TBXAS1: variants seen among roughly 807,000 people sequenced by gnomAD.
TBXAS1 encodes the protein thromboxane-A synthase.
TBXAS1 carries 48 observed loss-of-function variants against 60.7 expected under a neutral mutation model. The ratio of observed to expected loss-of-function variants is 0.79; its 90% CI spans 0.63 to 1.01. The LOEUF is 1.01. Ranked by LOEUF, TBXAS1 falls within the 50% of genes least tolerant of loss-of-function variation. The pLI, the probability that TBXAS1 is intolerant of heterozygous loss-of-function variation, is 0.00. For synonymous variants in TBXAS1, 287 were observed against 269.7 expected, an observed-to-expected ratio of 1.06 and a Z score of -0.63; for missense variants, 685 against 686.3, an observed-to-expected ratio of 1.00 and a Z score of 0.02.
At position 139,955,461 on chromosome 7, in the gene TBXAS1, G is replaced by T; in HGVS notation, c.542G>T (p.Cys181Phe). ...ESGDAFDIQR[C>F]YCNYTTDVVA... ...CTCTGTGCTCCCATCTCCCGTAGGT[G>T]CTACTGCAATTACACCACAGATGTG... is the stretch of plus-strand genomic sequence containing the variant. Residue 181 changes from cysteine to phenylalanine, a missense_variant and splice_region_variant, in exon 7 of 13, where the codon TGC (cysteine) becomes TTC (phenylalanine). By Grantham distance (205) the Cys-to-Phe change is radical. Coordinates refer to ENST00000448866, the MANE Select transcript of TBXAS1 (RefSeq NM_001061.7). 6.2e-7 allele frequency: 1 copy of T among 1,614,180 alleles called. No homozygotes were observed. Among genetic ancestry groups the T allele is most frequent in the Non-Finnish European group, 8.5e-7 (1 of 1,180,024 alleles).
At chr7:139,822,684 T>C (rs1408945524) in intron 4 of TBXAS1, among the ~76,000 whole-genome samples, 1 of 152,114 alleles carries the variant, frequency 6.6e-6, no homozygotes, top group Non-Finnish European at 1.5e-5. Flanking sequence ...TCAGGGGTGA[T>C]CCTTGACGTC....
intron 3 of TBXAS1, among the ~76,000 whole-genome samples, chr7:139,882,832 ATG>A (rs763675481): frequency 1.4e-4 from 22 of 152,206 alleles, no homozygotes; most frequent in Non-Finnish European, 2.9e-4. Flanking sequence ...AGCAAAATTC[ATG>A]TGAGACCATC....
chr7:139,988,000 C>T (rs1002356940), intron 9 of TBXAS1, among the ~76,000 whole-genome samples: 3 of 152,140 alleles, frequency 2.0e-5, no homozygotes, highest in Non-Finnish European at 2.9e-5. Context: ...CTTTTCTTAG[C>T]TCATTAGAAA....
chr7:139,982,498 A>G (rs1812042122), intron 9 of TBXAS1, among the ~76,000 whole-genome samples: 1 of 152,232 alleles, frequency 6.6e-6, no homozygotes, highest in Non-Finnish European at 1.5e-5. Context: ...TGACAGTACC[A>G]GGGGTATTAT....
At chr7:139,941,334 G>A (rs1172688818) in intron 5 of TBXAS1, among the ~76,000 whole-genome samples, 1 of 152,028 alleles carries the variant, frequency 6.6e-6, no homozygotes, top group South Asian at 2.1e-4. Flanking sequence ...CGTTGTCTTC[G>A]TTTATGCGGA....
intron 3 of TBXAS1, among the ~76,000 whole-genome samples, chr7:139,884,436 C>A (rs1428460523): frequency 4.6e-5 from 7 of 152,270 alleles, no homozygotes; most frequent in Non-Finnish European, 7.4e-5. Context: ...GTAGGTGTGG[C>A]CAGCTGATTA....
At chr7:139,877,545 C>A (rs1802338287) in intron 3 of TBXAS1, among the ~76,000 whole-genome samples, 1 of 150,154 alleles carries the variant, frequency 6.7e-6, no homozygotes, top group Non-Finnish European at 1.5e-5. Flanking sequence ...GCCTCAGCCT[C>A]CTGGGCAGCT....
chr7:139,936,204 A>G lies in TBXAS1; in HGVS notation c.347A>G (p.Glu116Gly), dbSNP rs1807760250. Residue 116 changes from glutamate to glycine, a missense_variant, in exon 5 of 13, where the codon GAG becomes GGG. Physicochemically the swap from Glu to Gly is moderately conservative, Grantham distance 98. Transcript: ENST00000448866. ...ACTTCCCAACAGGCGTCGGGTTTGG[A>G]GTTCAAGTCGGTAGCCGACAGCGTT... is the stretch of plus-strand genomic sequence containing the variant. Reference protein sequence around the residue: ...NFTNRMASGLEFKSVADSVLF... With the variant: ...NFTNRMASGLGFKSVADSVLF... 1.2e-6 allele frequency: 2 copies of G among 1,614,098 alleles called. No homozygotes were observed. The highest frequency in any genetic ancestry group is 1.7e-5 in the Admixed American group (1 of 60,012).
chr7:139,988,706 T>C (rs1405913953), intron 9 of TBXAS1, among the ~76,000 whole-genome samples: 1 of 152,098 alleles, frequency 6.6e-6, no homozygotes, highest in African/African-American at 2.4e-5. Flanking sequence ...CCGGGACACA[T>C]ACAGCACTTT....
intron 3 of TBXAS1, among the ~76,000 whole-genome samples, chr7:139,887,615 T>TG (rs1238569515): frequency 6.6e-6 from 1 of 152,264 alleles, no homozygotes; most frequent in Non-Finnish European, 1.5e-5. Context: ...ACTGCCTTTT[T>TG]AAGGCTGAGT....
chr7:139,866,743 G>T (rs1390566592), intron 1 of TBXAS1, among the ~76,000 whole-genome samples: 1 of 151,910 alleles, frequency 6.6e-6, no homozygotes, highest in East Asian at 1.9e-4. Flanking sequence ...GGGCAACAGA[G>T]TGAGAATGCT....
At chr7:139,807,489 T>A (rs983155106) in intron 4 of TBXAS1, among the ~76,000 whole-genome samples, 2 of 152,080 alleles carry the variant, frequency 1.3e-5, no homozygotes, top group Non-Finnish European at 2.9e-5. Context: ...GTTCAAGTGA[T>A]TCTCCTGCCT....
chr7:139,922,241 A>C (rs1363553117), intron 4 of TBXAS1, among the ~76,000 whole-genome samples: 1 of 151,380 alleles, frequency 6.6e-6, no homozygotes, highest in African/African-American at 2.4e-5. Flanking sequence ...AGCTGGGATT[A>C]CGGACATGTG....
At chr7:139,844,292 C>G (rs1175335180) in intron 1 of TBXAS1, among the ~76,000 whole-genome samples, 1 of 152,190 alleles carries the variant, frequency 6.6e-6, no homozygotes, top group Non-Finnish European at 1.5e-5. Context: ...GAGCACAAAT[C>G]CCCACAGTTT....
rs2116964963 is a variant in TBXAS1 at position 139,896,968 on chromosome 7, G to C, written c.237-14257G>C. Among the ~76,000 whole-genome samples, 1 of 152,300 alleles carries C rather than the reference G, an allele frequency of 6.6e-6. No individual in the cohort carries two copies. The highest frequency in any genetic ancestry group is 6.5e-5 in the Admixed American group (1 of 15,292). ...GGGAGGGTTGGTTTGGAGACAGAGA[G>C]CTTCACTGGGAGCTCCTCAGTGGTC... On this transcript the variant is annotated intron_variant, in intron 3 of 12. Transcript: ENST00000448866. This position sits in a 1 kb window ranked among gnomAD's most constrained non-coding sequence, Gnocchi z 4.0.
chr7:139,937,819 C>G (rs1360375508), intron 5 of TBXAS1, among the ~76,000 whole-genome samples: 3 of 151,814 alleles, frequency 2.0e-5, no homozygotes, highest in African/African-American at 7.3e-5. Context: ...CTTGCTACCT[C>G]CATGTGATTT....
intron 4 of TBXAS1, among the ~76,000 whole-genome samples, chr7:139,927,155 C>T (rs932870057): frequency 1.9e-4 from 29 of 148,762 alleles, no homozygotes; most frequent in African/African-American, 5.1e-4. Context: ...CCACCACGCC[C>T]GGCTATTTTT....
At chr7:139,799,746 T>C (rs1797669051) in intron 4 of TBXAS1, among the ~76,000 whole-genome samples, 1 of 152,210 alleles carries the variant, frequency 6.6e-6, no homozygotes, top group African/African-American at 2.4e-5. Context: ...TCCTCATTTA[T>C]TGGCTTCCCA....
chr7:139,907,519 C>T (rs1805198819), intron 3 of TBXAS1, among the ~76,000 whole-genome samples: 1 of 151,998 alleles, frequency 6.6e-6, no homozygotes, highest in Non-Finnish European at 1.5e-5. Flanking sequence ...GTAAACCTGT[C>T]CTCATAAATT....
Sources: allele counts gnomAD v4.1 joint callset (sites outside exome capture counted in the v4.1 genomes callset), GRCh38; gene constraint gnomAD v4.1.1; non-coding constraint Gnocchi (gnomAD v3.1); transcripts MANE v1.5; gene names NCBI Gene and HGNC (gene_info 2026-07-23, HGNC 2026-07-21).